The following ZNF618 variants were observed in gnomAD, a reference collection of about 807,000 sequenced individuals.
The protein encoded by ZNF618 is neural precursor cell expressed, developmentally down-regulated 10.
A neutral mutation model predicts 103.0 loss-of-function variants in ZNF618; 34 were observed. The observed-to-expected ratio is 0.33, with a 90% CI of 0.25 to 0.44. The LOEUF is 0.44. Ranked by LOEUF, ZNF618 falls within the 20% of genes least tolerant of loss-of-function variation. ZNF618 has a pLI of 1.00. For missense variants in ZNF618, 1,059 were observed against 1,295.4 expected, an observed-to-expected ratio of 0.82 and a Z score of 2.80; for synonymous variants, 551 against 542.2, an observed-to-expected ratio of 1.02 and a Z score of -0.23.
intron 2 of ZNF618, among the ~76,000 whole-genome samples, chr9:113,978,907 T>A (rs1322826227): frequency 1.3e-5 from 2 of 152,186 alleles, no homozygotes; most frequent in African/African-American, 2.4e-5. Flanking sequence ...AAGCACTCAT[T>A]ACACCACAGC....
chr9:114,007,326 GGT>G lies in ZNF618; in HGVS notation c.551-17_551-16del, dbSNP rs1564288904. 5 of 1,609,346 alleles carry G rather than the reference GGT, an allele frequency of 3.1e-6. No homozygotes were observed. The South Asian group carries it at 5.5e-5, about 18-fold the overall frequency. On this transcript the variant is annotated intron_variant, in intron 6 of 14. Coordinates refer to ENST00000374126, the MANE Select transcript of ZNF618 (RefSeq NM_001318042.2). Reference sequence around the variant, plus strand: ...CACAAGACTGAAGCCCTGGTAACCAGGTGTGTGTTTTCATCCCATGCAGACAA... The same window carrying G: ...CACAAGACTGAAGCCCTGGTAACCAGGTGTGTTTTCATCCCATGCAGACAA...
At chr9:113,905,788 G>C (rs1014882381) in intron 1 of ZNF618, among the ~76,000 whole-genome samples, 7 of 152,090 alleles carry the variant, frequency 4.6e-5, no homozygotes, top group Admixed American at 2.0e-4. Flanking sequence ...TCCCTCCCTT[G>C]CATGTTTCAC....
At position 114,038,908 on chromosome 9, in the gene ZNF618, C is replaced by T. The variant is rs150764287; in HGVS notation, c.1246+2531C>T. 3.8e-4 allele frequency among the ~76,000 whole-genome samples: 58 copies of T among 152,318 alleles called. 1 individual carries two copies. The East Asian group carries it at 6.8e-3, about 18-fold the overall frequency. On this transcript the variant is annotated intron_variant, in intron 13 of 14. Transcript: ENST00000374126. ...CAATAGCATTTGAGCTTTTACGTGG[C>T]GCCAGGCCTTGTTCTAAGACTTTTA...
At chr9:113,945,779 G>C (rs981989540) in intron 1 of ZNF618, among the ~76,000 whole-genome samples, 4 of 152,196 alleles carry the variant, frequency 2.6e-5, no homozygotes, top group Non-Finnish European at 5.9e-5. Context: ...TATAGGGCTG[G>C]GGGGAGAAAA....
intron 12 of ZNF618, among the ~76,000 whole-genome samples, chr9:114,034,684 G>A (rs1404742050): frequency 6.6e-6 from 1 of 152,202 alleles, no homozygotes; most frequent in Non-Finnish European, 1.5e-5. Flanking sequence ...GCCCCGCTGT[G>A]CTGCCTGCTG....
chr9:114,018,535 T>C (rs1446996099), intron 10 of ZNF618, among the ~76,000 whole-genome samples: 1 of 152,200 alleles, frequency 6.6e-6, no homozygotes, highest in African/African-American at 2.4e-5. Context: ...AGTAAGGCCA[T>C]GGAGTTAGTA....
intron 1 of ZNF618, among the ~76,000 whole-genome samples, chr9:113,902,242 G>A (rs1429205575): frequency 4.6e-5 from 7 of 152,186 alleles, no homozygotes; most frequent in South Asian, 2.1e-4. Context: ...GCAGGGTCAG[G>A]GGCTGGTTCA....
chr9:113,937,240 TTC>T (rs1221948418), intron 1 of ZNF618, among the ~76,000 whole-genome samples: 1 of 152,160 alleles, frequency 6.6e-6, no homozygotes, highest in Admixed American at 6.5e-5. Flanking sequence ...TTTCGTGTCT[TTC>T]TCTCTCTCCT....
intron 1 of ZNF618, among the ~76,000 whole-genome samples, chr9:113,895,408 C>A (rs1829953086): frequency 6.6e-6 from 1 of 151,930 alleles, no homozygotes; most frequent in South Asian, 2.1e-4. Flanking sequence ...TGGAAGGAAC[C>A]CATTTTGTTT....
chr9:113,938,332 C>A (rs556907542), intron 1 of ZNF618, among the ~76,000 whole-genome samples: 1 of 135,932 alleles, frequency 7.4e-6, no homozygotes, highest in East Asian at 2.1e-4. Context: ...CATCACCACA[C>A]CTGGCTAATT....
intron 1 of ZNF618, among the ~76,000 whole-genome samples, chr9:113,959,287 CAAAA>C (rs61697954): frequency 7.0e-6 from 1 of 142,484 alleles, no homozygotes; most frequent in Non-Finnish European, 1.5e-5. Context: ...AACTCTGTCT[CAAAA>C]AAAAAAAAGT....
chr9:113,902,723 A>C (rs2131286826), intron 1 of ZNF618, among the ~76,000 whole-genome samples: 1 of 152,304 alleles, frequency 6.6e-6, no homozygotes. Context: ...CGAGCATTTT[A>C]ATCAACGCCC....
At chr9:113,992,770 C>T (rs1346711924) in intron 3 of ZNF618, among the ~76,000 whole-genome samples, 4 of 152,172 alleles carry the variant, frequency 2.6e-5, no homozygotes, top group Non-Finnish European at 4.4e-5. Flanking sequence ...AAGGCACTTC[C>T]CGTGGGGGAG....
At chr9:113,972,756 A>G (rs1213558973) in intron 2 of ZNF618, among the ~76,000 whole-genome samples, 2 of 152,208 alleles carry the variant, frequency 1.3e-5, no homozygotes, top group Admixed American at 1.3e-4. Flanking sequence ...GAAGTGAATT[A>G]TATGTTAAAC....
Position 114,049,430 on chromosome 9 carries a change from C to A in ZNF618, c.2128C>A (p.Gln710Lys). 6.2e-7 allele frequency: 1 copy of A among 1,604,782 alleles called. No homozygotes were observed. Among genetic ancestry groups the A allele is most frequent in the Non-Finnish European group, 8.5e-7 (1 of 1,175,788 alleles). ...GTTGCTGGTGCATGAGCGCTATGAGCAGATCTGCGAGTTCTACAGCCGGGC... is the reference window on the plus strand; with the variant it reads ...GTTGCTGGTGCATGAGCGCTATGAGAAGATCTGCGAGTTCTACAGCCGGGC... ...SLLLVHERYE[Q>K]ICEFYSRAKK... The change falls in exon 15 of 15, where the codon CAG becomes AAG. Residue 710 changes from glutamine (Q) to lysine (K), a missense_variant. Transcript: ENST00000374126.
At chr9:113,925,587 T>A (rs1018779912) in intron 1 of ZNF618, among the ~76,000 whole-genome samples, 1 of 152,102 alleles carries the variant, frequency 6.6e-6, no homozygotes, top group Admixed American at 6.5e-5. Context: ...CTTTGTTTCT[T>A]CTTTTGTCTT....
chr9:113,921,992 A>C, intron 1 of ZNF618, among the ~76,000 whole-genome samples: 1 of 152,122 alleles, frequency 6.6e-6, no homozygotes, highest in East Asian at 1.9e-4. Flanking sequence ...AATCAAAATC[A>C]CCCATAACTT....
intron 1 of ZNF618, among the ~76,000 whole-genome samples, chr9:113,878,645 T>A (rs1056848037): frequency 6.6e-6 from 1 of 152,206 alleles, no homozygotes; most frequent in African/African-American, 2.4e-5. Context: ...AAAGTTACAA[T>A]TTTTCTGTCC....
At chr9:113,918,763 T>G (rs1832358449) in intron 1 of ZNF618, among the ~76,000 whole-genome samples, 1 of 152,208 alleles carries the variant, frequency 6.6e-6, no homozygotes. Context: ...ATTTCTTACT[T>G]TCTGAGTCTT....
Sources: allele counts gnomAD v4.1 joint callset (sites outside exome capture counted in the v4.1 genomes callset), GRCh38; gene constraint gnomAD v4.1.1; transcripts MANE v1.5; gene names NCBI Gene and HGNC (gene_info 2026-07-23, HGNC 2026-07-21).